The following ZNF469 variants were observed in gnomAD, a reference collection of about 807,000 sequenced individuals.
The protein encoded by ZNF469 is zinc finger protein 469.
A neutral mutation model predicts 1.0 loss-of-function variants in ZNF469; 1 was observed. The observed-to-expected ratio is 1.00, with a 90% CI of 0.35 to 4.73. ZNF469 has a LOEUF of 4.73. Among genes scored for constraint, ZNF469 ranks in the 30% most tolerant of loss-of-function variants. The pLI is 0.16. For missense variants in ZNF469, 6,100 were observed against 5,356.3 expected (o/e 1.14, Z -4.33); for synonymous variants, 2,703 against 2,363.4 (o/e 1.14, Z -4.17).
the ZNF469 span, among the ~76,000 whole-genome samples, chr16:88,332,828 A>G: frequency 6.6e-6 from 1 of 152,192 alleles, no homozygotes; most frequent in Non-Finnish European, 1.5e-5. Flanking sequence ...CTCTGCAGCC[A>G]GCCTCCTCAC....
At chr16:88,175,379 A>G in the ZNF469 span, among the ~76,000 whole-genome samples, 3 of 152,226 alleles carry the variant, frequency 2.0e-5, no homozygotes, top group Non-Finnish European at 2.9e-5. Flanking sequence ...ACTTACAGAA[A>G]ATTCCCTCTA....
Position 88,437,306 on chromosome 16 carries a change from C to G in ZNF469, c.9836C>G (p.Pro3279Arg). 1 of 1,547,552 alleles carries G rather than the reference C, an allele frequency of 6.5e-7. No homozygotes were observed. Among genetic ancestry groups the G allele is most frequent in the Non-Finnish European group, 8.7e-7 (1 of 1,145,420 alleles). ...ERAKPRARSTPSNPDGAATPD... is the reference protein window; with the variant it reads ...ERAKPRARSTRSNPDGAATPD... ...GCGAAACCCCGGGCACGCAGCACCC[C>G]CAGCAACCCAGACGGGGCCGCGACC... The change falls in exon 3 of 3, where the codon CCC (proline) becomes CGC (arginine). Residue 3279 changes from proline to arginine, a missense_variant. Transcript: ENST00000565624.
chr16:88,319,249 TG>T, the ZNF469 span, among the ~76,000 whole-genome samples: 1 of 152,016 alleles, frequency 6.6e-6, no homozygotes. Flanking sequence ...GCCTTGCAGG[TG>T]GCCGAGACCT....
At chr16:88,375,284 T>C in the ZNF469 span, among the ~76,000 whole-genome samples, 1 of 152,106 alleles carries the variant, frequency 6.6e-6, no homozygotes, top group East Asian at 1.9e-4. Flanking sequence ...ACCATTCATC[T>C]CTCTCAGCAC....
chr16:88,437,827 G>C lies in ZNF469; in HGVS notation c.10357G>C (p.Val3453Leu). ...GCGGCAGCCCTTCGCGTTCCGCGGC[G>C]TGCGGAGGCCGGGAGCGCCGGGACA... Reference protein sequence around the residue: ...GGRQPFAFRGVRRPGAPGQKA... With the variant: ...GGRQPFAFRGLRRPGAPGQKA... Residue 3453 changes from valine (V) to leucine (L), a missense_variant, in exon 3 of 3, where the codon GTG becomes CTG. Physicochemically the swap from Val to Leu is conservative, Grantham distance 32. Coordinates refer to ENST00000565624, the MANE Select transcript of ZNF469 (RefSeq NM_001367624.2). 1 of 1,542,046 alleles carries C rather than the reference G, an allele frequency of 6.5e-7. No homozygotes were observed. Among genetic ancestry groups the C allele is most frequent in the Non-Finnish European group, 8.8e-7 (1 of 1,140,804 alleles).
At chr16:88,297,960 GAAGGAGGTT>G in the ZNF469 span, among the ~76,000 whole-genome samples, 42 of 152,330 alleles carry the variant, frequency 2.8e-4, no homozygotes, top group African/African-American at 1.0e-3. Context: ...CCAGCTTGAG[GAAGGAGGTT>G]CCCCAATATC....
intron 2 of ZNF469, among the ~76,000 whole-genome samples, chr16:88,425,541 C>T (rs774730831): frequency 9.2e-5 from 14 of 152,194 alleles, no homozygotes; most frequent in Non-Finnish European, 1.8e-4. Context: ...CCTACACTGG[C>T]TGAGGCCTTG....
chr16:88,347,407 C>T, the ZNF469 span, among the ~76,000 whole-genome samples: 7 of 152,124 alleles, frequency 4.6e-5, no homozygotes, highest in Admixed American at 6.5e-5. Context: ...TCCACTGAGC[C>T]GCGGGCACAC....
chr16:88,342,509 G>A, the ZNF469 span, among the ~76,000 whole-genome samples: 5 of 152,284 alleles, frequency 3.3e-5, no homozygotes, highest in East Asian at 1.9e-4. Flanking sequence ...TCTGATGCAC[G>A]GTGGGGGCCC....
At chr16:88,369,220 C>T in the ZNF469 span, among the ~76,000 whole-genome samples, 3 of 152,184 alleles carry the variant, frequency 2.0e-5, no homozygotes. Flanking sequence ...CTCGCCATTC[C>T]CCCACCCCAC....
chr16:88,203,727 C>CGTGTGT, the ZNF469 span, among the ~76,000 whole-genome samples: 3 of 113,640 alleles, frequency 2.6e-5, no homozygotes, highest in Non-Finnish European at 6.1e-5. Context: ...TGTGTCTGTC[C>CGTGTGT]CTGTGTGTGT....
At chr16:88,186,307 C>T in the ZNF469 span, among the ~76,000 whole-genome samples, 1 of 152,344 alleles carries the variant, frequency 6.6e-6, no homozygotes, top group East Asian at 1.9e-4. Context: ...CTAATGGCAT[C>T]CACACTTGGC....
At chr16:88,186,058 C>T in the ZNF469 span, among the ~76,000 whole-genome samples, 1 of 152,250 alleles carries the variant, frequency 6.6e-6, no homozygotes, top group Non-Finnish European at 1.5e-5. Flanking sequence ...CGAGTCAAGC[C>T]GTCAGGTACC....
intron 1 of ZNF469, among the ~76,000 whole-genome samples, 157 bp downstream of exon 1, chr16:88,383,411 C>T (rs2092530391): frequency 6.8e-6 from 1 of 147,972 alleles, no homozygotes; most frequent in Non-Finnish European, 1.5e-5. Context: ...ACCCTCCCAG[C>T]GCTCGCGGCG....
intron 1 of ZNF469, among the ~76,000 whole-genome samples, chr16:88,392,591 A>G (rs1904522546): frequency 6.6e-6 from 1 of 152,204 alleles, no homozygotes; most frequent in South Asian, 2.1e-4. Context: ...TGGGGTCTGC[A>G]TCTGAGGCTG....
chr16:88,320,412 C>G, the ZNF469 span, among the ~76,000 whole-genome samples: 1 of 152,146 alleles, frequency 6.6e-6, no homozygotes, highest in Non-Finnish European at 1.5e-5. Flanking sequence ...GAGACAGAAT[C>G]TTGCTCTGTC....
chr16:88,423,630 C>G (rs150904004), intron 1 of ZNF469, among the ~76,000 whole-genome samples: 1 of 152,198 alleles, frequency 6.6e-6, no homozygotes, highest in East Asian at 1.9e-4. Context: ...CACAAGGTTG[C>G]GGTCAGAATG....
the ZNF469 span, among the ~76,000 whole-genome samples, chr16:88,298,494 T>C: frequency 6.6e-6 from 1 of 152,230 alleles, no homozygotes; most frequent in Non-Finnish European, 1.5e-5. Flanking sequence ...GCTGAGACCC[T>C]GGAAGGCGAA....
At chr16:88,267,813 G>A in the ZNF469 span, among the ~76,000 whole-genome samples, 1 of 152,172 alleles carries the variant, frequency 6.6e-6, no homozygotes, top group Middle Eastern at 3.4e-3. Flanking sequence ...GGATAATGCA[G>A]CGATGAGTGT....
Sources: allele counts gnomAD v4.1 joint callset (sites outside exome capture counted in the v4.1 genomes callset), GRCh38; gene constraint gnomAD v4.1.1; transcripts MANE v1.5; gene names NCBI Gene and HGNC (gene_info 2026-07-23, HGNC 2026-07-21).